The following ASPSCR1 variants were observed in gnomAD, a reference collection of about 807,000 sequenced individuals.
The protein encoded by ASPSCR1 is ASPSCR1 tether for SLC2A4, UBX domain containing.
Under a neutral mutation model 68.9 loss-of-function variants are expected in ASPSCR1, and 55 were observed. That is an observed-to-expected ratio of 0.80 (90% CI 0.64 to 1.00). The LOEUF (loss-of-function observed/expected upper bound fraction) is 1.00. ASPSCR1 is among the 50% of genes least tolerant of loss of function. The probability of loss-of-function intolerance (pLI) is 0.00; values close to 1 mark genes in which losing one functional copy is unlikely to be tolerated. For missense variants in ASPSCR1, 765 were observed against 762.2 expected (o/e 1.00, Z -0.04); for synonymous variants, 352 against 332.6 (o/e 1.06, Z -0.63).
chr17:81,981,788 C>T (rs972429183), intron 2 of ASPSCR1, among the ~76,000 whole-genome samples: 14 of 152,078 alleles, frequency 9.2e-5, no homozygotes, highest in Non-Finnish European at 2.1e-4. Flanking sequence ...TGTGCCTCAG[C>T]GTCTTGAGTA....
At chr17:82,009,279 C>T in intron 8 of ASPSCR1, 88 bp downstream of exon 8, 2 of 1,470,898 alleles carry the variant, frequency 1.4e-6, no homozygotes, top group Non-Finnish European at 9.1e-7. Flanking sequence ...CCAGTGCCAG[C>T]ACTGGCTCCC....
rs756807994 is a variant in ASPSCR1, at chr17:81,983,217, A to G, written c.159-337A>G. 1.3e-5 allele frequency among the ~76,000 whole-genome samples: 2 copies of G among 152,172 alleles called. No homozygotes were observed. Among genetic ancestry groups the G allele is most frequent in the Non-Finnish European group, 1.5e-5 (1 of 68,036 alleles). On this transcript the variant is annotated intron_variant, in intron 2 of 15. Coordinates refer to ENST00000306739, the MANE Select transcript of ASPSCR1 (RefSeq NM_024083.4). This position sits in a 1 kb window ranked among gnomAD's most constrained non-coding sequence, Gnocchi z 4.4. Reference sequence around the variant, plus strand: ...ACACTCCAGCTTCCGCGAGTGCAGCAGTGTTCACGCCCCAGTCGTTCTCTC... The same window carrying G: ...ACACTCCAGCTTCCGCGAGTGCAGCGGTGTTCACGCCCCAGTCGTTCTCTC...
chr17:82,009,426 G>A, intron 8 of ASPSCR1, 60 bp from the exon 9 acceptor site: 2 of 1,498,460 alleles, frequency 1.3e-6, no homozygotes, highest in Non-Finnish European at 9.0e-7. Context: ...GGAGCCCGGG[G>A]CCTGTTGCCA....
Position 81,983,929 on chromosome 17 carries a change from C to T in ASPSCR1, c.273+261C>T, listed in dbSNP as rs971330504. ...CTGGAGCTCAGTGGCGCAGTCTCGG[C>T]TCACTTCAAGCTCCGCCTCCCGGGT... On this transcript the variant is annotated intron_variant, in intron 3 of 15. Transcript: ENST00000306739. The surrounding 1 kb of genome is among the most constrained non-coding windows in gnomAD (Gnocchi z 4.4). Among the ~76,000 whole-genome samples, 5 of 151,628 alleles carry T rather than the reference C, an allele frequency of 3.3e-5. No individual in the cohort carries two copies. The highest frequency in any genetic ancestry group is 5.9e-5 in the Non-Finnish European group (4 of 67,942).
Position 81,983,768 on chromosome 17 carries a change from G to A in ASPSCR1, c.273+100G>A. On this transcript the variant is annotated intron_variant, in intron 3 of 15. Coordinates refer to ENST00000306739, the MANE Select transcript of ASPSCR1 (RefSeq NM_024083.4). The surrounding 1 kb of genome is among the most constrained non-coding windows in gnomAD (Gnocchi z 4.4). ...CAGTGGGGGGTGCTGGGGAAGGAGGGACATGAGTCTTAGCACCAGTTCTGC... is the reference window on the plus strand; with the variant it reads ...CAGTGGGGGGTGCTGGGGAAGGAGGAACATGAGTCTTAGCACCAGTTCTGC... 7.8e-6 allele frequency: 8 copies of A among 1,028,850 alleles called. No individual in the cohort carries two copies. Among genetic ancestry groups the A allele is most frequent in the Non-Finnish European group, 1.2e-5 (8 of 688,434 alleles). 63.7% of individuals were successfully genotyped at this position (1,028,850 alleles called of 1,614,324 possible).
intron 15 of ASPSCR1, 63 bp downstream of exon 15, chr17:82,017,176 G>C: frequency 6.4e-7 from 1 of 1,571,150 alleles, no homozygotes; most frequent in Middle Eastern, 2.2e-4. Context: ...TCCGGGTGCT[G>C]TGGCAGGGTC....
At chr17:82,012,456 G>A (rs374727465) in intron 12 of ASPSCR1, among the ~76,000 whole-genome samples, 173 bp downstream of exon 12, 8 of 152,326 alleles carry the variant, frequency 5.3e-5, no homozygotes, top group African/African-American at 9.6e-5. Flanking sequence ...AGTTGCTTCT[G>A]ACACGGCTTT....
At position 82,011,515 on chromosome 17, in the gene ASPSCR1, G is replaced by A. The variant is rs770570579; in HGVS notation, c.1238-28G>A. 7 of 1,574,138 alleles carry A rather than the reference G, an allele frequency of 4.4e-6. No individual in the cohort carries two copies. In the South Asian group the frequency reaches 7.0e-5, roughly 16 times the overall value. ...CCGGGGCTGGCGTGGTGGAAGAGCT[G>A]TCTGTATGTTCTTTTTCTCCTCTGC... On this transcript the variant is annotated intron_variant, in intron 10 of 15. Transcript: ENST00000306739.
chr17:81,996,580 C>T lies in ASPSCR1; in HGVS notation c.667C>T (p.Pro223Ser). The change falls in exon 7 of 16, where the codon CCC (proline) becomes TCC (serine). Residue 223 changes from proline to serine, a missense_variant. By Grantham distance (74) the Pro-to-Ser change is moderately conservative. Transcript: ENST00000306739. ...TCCGGAGGACGCGGACACCTCAGGG[C>T]CCTGCTGCGAGCACACTCAGGAGAA... is the stretch of plus-strand genomic sequence containing the variant. ...SRPEDADTSG[P>S]CCEHTQEKQS... is the part of the protein sequence containing the mutation. 1 of 1,612,048 alleles carries T rather than the reference C, an allele frequency of 6.2e-7. No homozygotes were observed. The highest frequency in any genetic ancestry group is 2.2e-5 in the East Asian group (1 of 44,806).
In ASPSCR1 at chr17:81,996,352, G is replaced by T. The variant is rs1027548455; in HGVS notation, c.507-68G>T. On this transcript the variant is annotated intron_variant, in intron 6 of 15. Coordinates refer to ENST00000306739, the MANE Select transcript of ASPSCR1 (RefSeq NM_024083.4). ...GCCGGGGGCGGGAGAGGGTGAGCCT[G>T]GGCCGGGAGAGGGTGAGCCGGGGGT... 2.9e-5 allele frequency: 44 copies of T among 1,524,232 alleles called. No individual in the cohort carries two copies. In the African/African-American group the frequency reaches 4.4e-4, roughly 15 times the overall value. 94.4% of individuals were successfully genotyped at this position (1,524,232 alleles called of 1,614,324 possible). A position where few individuals can be genotyped will look rare whatever the true frequency, so the allele number is the denominator to read the frequency against.
intron 7 of ASPSCR1, among the ~76,000 whole-genome samples, chr17:81,997,347 G>T (rs2042385285): frequency 6.6e-6 from 1 of 152,160 alleles, no homozygotes; most frequent in Non-Finnish European, 1.5e-5. Context: ...GTAACTTCCG[G>T]GTTATGGCCA....
At chr17:81,995,964 G>T in intron 5 of ASPSCR1, 28 bp from the exon 6 acceptor site, 2 of 1,601,880 alleles carry the variant, frequency 1.2e-6, no homozygotes, top group Non-Finnish European at 1.7e-6. Context: ...GGTGCAAGGC[G>T]CACCTGTCCT....
At chr17:82,009,376 G>A (rs1362627289) in intron 8 of ASPSCR1, 110 bp from the exon 9 acceptor site, 3 of 1,357,902 alleles carry the variant, frequency 2.2e-6, no homozygotes, top group East Asian at 2.5e-5. Context: ...TGCCTTGTGT[G>A]GGGAGAGCAG....
intron 1 of ASPSCR1, chr17:81,978,624 G>A (rs1434614546): frequency 1.3e-5 from 2 of 153,800 alleles, no homozygotes; most frequent in African/African-American, 2.4e-5. Flanking sequence ...AGCAGCCCAC[G>A]GCGTGGGGTC....
At chr17:82,003,815 G>A (rs2042616513) in intron 7 of ASPSCR1, among the ~76,000 whole-genome samples, 1 of 152,246 alleles carries the variant, frequency 6.6e-6, no homozygotes, top group Non-Finnish European at 1.5e-5. Flanking sequence ...GGCCTTTGAT[G>A]GCGTCCACGT....
chr17:81,980,714 C>G lies in ASPSCR1; in HGVS notation c.158+1475C>G, dbSNP rs146404359. ...CAGGGATTTACACCGAATGGGGTGGCTGATACAGACGTACTTAATACGCTG... is the reference window on the plus strand; with the variant it reads ...CAGGGATTTACACCGAATGGGGTGGGTGATACAGACGTACTTAATACGCTG... On this transcript the variant is annotated intron_variant, in intron 2 of 15. Coordinates refer to ENST00000306739, the MANE Select transcript of ASPSCR1 (RefSeq NM_024083.4). 5.3e-3 allele frequency among the ~76,000 whole-genome samples: 803 copies of G among 152,264 alleles called. 6 individuals carry two copies. The highest frequency in any genetic ancestry group is 0.018 in the African/African-American group (752 of 41,534).
At chr17:81,992,113 C>T (rs1035007528) in intron 4 of ASPSCR1, among the ~76,000 whole-genome samples, 2 of 152,228 alleles carry the variant, frequency 1.3e-5, no homozygotes, top group Non-Finnish European at 2.9e-5. Flanking sequence ...CCCGCGGAAG[C>T]GCCCCAAAGC....
rs62078705 is a variant in ASPSCR1 at position 82,017,394 on chromosome 17, G to A, written c.*72G>A. ...CCTCTGCCAGCAGGAATAAAGACTT[G>A]TGCATCCCTCAACGCCTTCCTGTCA... On this transcript the variant is annotated 3_prime_UTR_variant, in exon 16 of 16. Coordinates refer to ENST00000306739, the MANE Select transcript of ASPSCR1 (RefSeq NM_024083.4). The A allele has an allele frequency of 1.2e-6, 2 of 1,604,924 alleles. No homozygotes were observed. Among genetic ancestry groups the A allele is most frequent in the Non-Finnish European group, 1.7e-6 (2 of 1,174,746 alleles).
At chr17:82,015,005 C>T (rs1015558211) in intron 12 of ASPSCR1, 95 of 1,478,308 alleles carry the variant, frequency 6.4e-5, no homozygotes, top group Non-Finnish European at 8.1e-5. Flanking sequence ...TCAGCCTGTG[C>T]CTCCCTCAAA....
Sources: gnomAD v4.1 joint callset for allele counts (sites outside exome capture counted in the v4.1 genomes callset) on GRCh38, gnomAD v4.1.1 for gene constraint, Gnocchi (gnomAD v3.1) non-coding constraint, MANE v1.5 for transcripts, NCBI Gene and HGNC (gene_info 2026-07-23, HGNC 2026-07-21) for gene names.